Variants in MMD2 observed in about 807,000 individuals in gnomAD.
MMD2 encodes the protein monocyte to macrophage differentiation associated 2.
Under a neutral mutation model 33.5 loss-of-function variants are expected in MMD2, and 30 were observed. The ratio of observed to expected loss-of-function variants is 0.90; its 90% CI spans 0.67 to 1.22. The LOEUF (loss-of-function observed/expected upper bound fraction) is 1.22. Among genes scored for constraint, MMD2 ranks in the 50% most tolerant of loss-of-function variants. The pLI is 0.00. For missense variants in MMD2, 364 were observed against 325.4 expected (o/e 1.12, Z -0.91); for synonymous variants, 129 against 123.0 (o/e 1.05, Z -0.32).
the MMD2 span, among the ~76,000 whole-genome samples, chr7:4,898,834 G>A: frequency 1.3e-5 from 2 of 152,130 alleles, no homozygotes; most frequent in African/African-American, 4.8e-5. Context: ...AGGAGGCAGA[G>A]GTTGCAGTGA....
intron 4 of MMD2, among the ~76,000 whole-genome samples, chr7:4,914,143 A>C (rs1785085321): frequency 6.6e-6 from 1 of 152,110 alleles, no homozygotes; most frequent in Non-Finnish European, 1.5e-5. Flanking sequence ...ATGCCATCAC[A>C]AACTAGTTTC....
chr7:4,927,987 A>C (rs1331872582), intron 1 of MMD2, among the ~76,000 whole-genome samples: 3 of 152,168 alleles, frequency 2.0e-5, no homozygotes, highest in Non-Finnish European at 4.4e-5. Flanking sequence ...GAAGACAGAC[A>C]AGGGTTGGCT....
chr7:4,924,650 G>A (rs952286833), intron 2 of MMD2, among the ~76,000 whole-genome samples: 1 of 152,234 alleles, frequency 6.6e-6, no homozygotes, highest in Non-Finnish European at 1.5e-5. Flanking sequence ...CATCTGGGCA[G>A]AGGGGAAGAC....
At chr7:4,916,662 C>T (rs1785152292) in intron 3 of MMD2, among the ~76,000 whole-genome samples, 1 of 152,052 alleles carries the variant, frequency 6.6e-6, no homozygotes. Flanking sequence ...GGATTACAAG[C>T]GTGAGCCACC....
intron 1 of MMD2, among the ~76,000 whole-genome samples, chr7:4,932,824 C>A (rs1412255769): frequency 6.6e-6 from 1 of 151,866 alleles, no homozygotes; most frequent in Non-Finnish European, 1.5e-5. Flanking sequence ...GGGGTCTCAT[C>A]ATGTTGGCCA....
At chr7:4,935,004 G>A (rs953357185) in intron 1 of MMD2, among the ~76,000 whole-genome samples, 1 of 152,046 alleles carries the variant, frequency 6.6e-6, no homozygotes, top group East Asian at 1.9e-4. Context: ...TGGCCCACAT[G>A]GTGAAACCCC....
rs189355198 is a variant in MMD2, at chr7:4,926,508, G to A, written c.48-976C>T. ...GACCCACTAAACCACCATCCAGGAA[G>A]AGCTACGGCTCACTCCTCACCCCCA... is the stretch of plus-strand genomic sequence containing the variant. On this transcript the variant is annotated intron_variant, in intron 1 of 6. Transcript: ENST00000401401. 1.1e-3 allele frequency among the ~76,000 whole-genome samples: 160 copies of A among 152,194 alleles called. 1 individual carries two copies. The highest frequency in any genetic ancestry group is 3.7e-3 in the African/African-American group (155 of 41,532).
chr7:4,951,539 G>A (rs1786243880), intron 1 of MMD2, among the ~76,000 whole-genome samples: 1 of 152,068 alleles, frequency 6.6e-6, no homozygotes, highest in Non-Finnish European at 1.5e-5. Context: ...TCCGAGGCTT[G>A]TCCTGTCCTG....
chr7:4,915,990 C>T lies in MMD2; in HGVS notation c.365+15G>A, dbSNP rs76935527. On this transcript the variant is annotated intron_variant, in intron 4 of 6. Transcript: ENST00000401401. ...AGGCCGCCAAGGGTTTGCTGGGCGG[C>T]GGGACGGTACTCACCAGGGTGCGTA... 2.3e-3 allele frequency: 3,711 copies of T among 1,612,602 alleles called. 67 individuals carry two copies. In the African/African-American group the frequency reaches 0.042, roughly 18 times the overall value.
chr7:4,950,850 A>G (rs901965680), intron 1 of MMD2, among the ~76,000 whole-genome samples: 7 of 151,702 alleles, frequency 4.6e-5, no homozygotes, highest in Non-Finnish European at 8.8e-5. Flanking sequence ...AGTAGCTGGG[A>G]TTACAGGCAT....
chr7:4,925,595 G>T, intron 1 of MMD2, 63 bp from the exon 2 acceptor site: 1 of 1,360,812 alleles, frequency 7.3e-7, no homozygotes, highest in Non-Finnish European at 1.0e-6. Context: ...CGAATTCCCA[G>T]GAAGCCTGAA....
rs774875345 is a variant in MMD2, at chr7:4,925,428, G to A, written c.129+23C>T. 3.4e-6 allele frequency: 5 copies of A among 1,481,564 alleles called. No individual in the cohort carries two copies. In the South Asian group the frequency reaches 6.9e-5, roughly 20 times the overall value. The allele number at this position is 1,481,564 out of a possible 1,614,324, so 91.8% of individuals were successfully genotyped here. A position where few individuals can be genotyped will look rare whatever the true frequency, so the allele number is the denominator to read the frequency against. On this transcript the variant is annotated intron_variant, in intron 2 of 6. Coordinates refer to ENST00000401401, the MANE Select transcript of MMD2 (RefSeq NM_198403.4). ...CCGGAAGTGTCCCCATCTCAGCCCT[G>A]AGCCCCCCAAAAGCCAACTCACAGC... is the stretch of plus-strand genomic sequence containing the variant.
chr7:4,905,118 G>A (rs993761826), downstream of MMD2, among the ~76,000 whole-genome samples: 1 of 152,182 alleles, frequency 6.6e-6, no homozygotes, highest in Non-Finnish European at 1.5e-5. This position sits in a 1 kb window ranked among gnomAD's most constrained non-coding sequence, Gnocchi z 5.0. Context: ...ATGCCCAGGA[G>A]GAGGGGGCAC....
chr7:4,931,646 T>C (rs1363341386), intron 1 of MMD2, among the ~76,000 whole-genome samples: 2 of 150,202 alleles, frequency 1.3e-5, no homozygotes, highest in African/African-American at 4.9e-5. Flanking sequence ...CTCAGGCTGG[T>C]CTCAAACTCC....
chr7:4,902,555 C>A (rs1261301263), downstream of MMD2, among the ~76,000 whole-genome samples: 5 of 152,198 alleles, frequency 3.3e-5, no homozygotes, highest in African/African-American at 1.2e-4. Context: ...GAGACTGGCA[C>A]CCCGGAGGAG....
downstream of MMD2, among the ~76,000 whole-genome samples, chr7:4,905,373 G>A (rs542376632): frequency 4.7e-4 from 70 of 148,724 alleles, no homozygotes; most frequent in African/African-American, 1.7e-3. This position sits in a 1 kb window ranked among gnomAD's most constrained non-coding sequence, Gnocchi z 5.0. Context: ...AAGAGGAAGG[G>A]GAAGAGGAGG....
At chr7:4,926,104 C>CT (rs202233516) in intron 1 of MMD2, among the ~76,000 whole-genome samples, 1,726 of 150,206 alleles carry the variant, frequency 0.011, 40 homozygotes, top group African/African-American at 0.039. Context: ...CCACGCCGGG[C>CT]TTTTTTTTTC....
intron 5 of MMD2, among the ~76,000 whole-genome samples, chr7:4,910,692 G>A (rs1784983410): frequency 6.6e-6 from 1 of 151,948 alleles, no homozygotes; most frequent in South Asian, 2.1e-4. Context: ...GCAGTGGCAC[G>A]CTCTCAGCTT....
At chr7:4,921,438 G>A (rs999072470) in intron 2 of MMD2, among the ~76,000 whole-genome samples, 1 of 151,860 alleles carries the variant, frequency 6.6e-6, no homozygotes, top group Admixed American at 6.6e-5. Context: ...GGCCAATATG[G>A]TGAAACCCCG....
Sources: allele counts gnomAD v4.1 joint callset (sites outside exome capture counted in the v4.1 genomes callset), GRCh38; gene constraint gnomAD v4.1.1; non-coding constraint Gnocchi (gnomAD v3.1); transcripts MANE v1.5; gene names NCBI Gene and HGNC (gene_info 2026-07-23, HGNC 2026-07-21).